ABCG8: variants seen among roughly 807,000 people sequenced by gnomAD.
The protein encoded by ABCG8 is ATP binding cassette subfamily G member 8.
ABCG8 carries 81 observed loss-of-function variants against 71.3 expected under a neutral mutation model. The observed-to-expected ratio is 1.14, with a 90% CI of 0.95 to 1.37. The LOEUF (loss-of-function observed/expected upper bound fraction) is 1.37. ABCG8 is among the 40% of genes most tolerant of loss of function. ABCG8 has a pLI of 0.00. For missense variants in ABCG8, 1,119 were observed against 866.2 expected (o/e 1.29, Z -3.66); for synonymous variants, 451 against 354.7 (o/e 1.27, Z -3.05).
chr2:43,878,094 G>C lies in ABCG8; in HGVS notation c.*181G>C. On this transcript the variant is annotated 3_prime_UTR_variant, in exon 13 of 13. Transcript: ENST00000272286. The stretch of plus-strand genomic sequence containing the variant: ...ACAGGATGGCAGTAGAATAAAGACA[G>C]TCGAAAGGGATTTCTGCTCACTGGC... 1.2e-6 allele frequency: 1 copy of C among 853,808 alleles called. No homozygotes were observed. Among genetic ancestry groups the C allele is most frequent in the Non-Finnish European group, 1.9e-6 (1 of 539,876 alleles). The allele number at this position is 853,808 out of a possible 1,614,324, so 52.9% of individuals were successfully genotyped here.
At chr2:43,862,434 A>G (rs1321515367) in intron 6 of ABCG8, among the ~76,000 whole-genome samples, 1 of 143,522 alleles carries the variant, frequency 7.0e-6, no homozygotes, top group African/African-American at 2.6e-5. Flanking sequence ...CCAACTGTAT[A>G]GAACTCTCAC....
rs756606650 is a variant in ABCG8, at chr2:43,872,126, C to A, written c.1115C>A (p.Thr372Asn). The A allele has an allele frequency of 2.4e-5, 39 of 1,613,980 alleles. 1 individual carries two copies. In the Admixed American group the frequency reaches 3.7e-4, roughly 15 times the overall value. ...KAETKDLDEDTCVESSVTPLD... is the reference protein window; with the variant it reads ...KAETKDLDEDNCVESSVTPLD... The stretch of plus-strand genomic sequence containing the variant: ...GAGACGAAGGATCTTGACGAGGACA[C>A]CTGTGTGGAAAGGTAAGGTGGCAGG... The change falls in exon 7 of 13, where the codon ACC becomes AAC. Residue 372 changes from threonine (T) to asparagine (N), a missense_variant. Thr to Asn is a moderately conservative substitution (Grantham distance 65, BLOSUM62 0). Transcript: ENST00000272286.
Position 43,846,335 on chromosome 2 carries a change from G to A in ABCG8, c.322+24G>A, listed in dbSNP as rs778432563. On this transcript the variant is annotated intron_variant, in intron 3 of 12. Coordinates refer to ENST00000272286, the MANE Select transcript of ABCG8 (RefSeq NM_022437.3). The stretch of plus-strand genomic sequence containing the variant: ...AGGTACCGGAAAGGCAAATCGCTGG[G>A]CAATGGTTTCTCTCCTGGGATACAG... 3.5e-5 allele frequency: 57 copies of A among 1,613,886 alleles called. No homozygotes were observed. In the Admixed American group the frequency reaches 9.0e-4, roughly 25 times the overall value.
chr2:43,870,412 T>A (rs1309042274), intron 6 of ABCG8, among the ~76,000 whole-genome samples: 1 of 152,028 alleles, frequency 6.6e-6, no homozygotes, highest in Non-Finnish European at 1.5e-5. Flanking sequence ...TGGATATAAC[T>A]CTCACTATCT....
At chr2:43,843,500 T>C (rs6735229) in intron 1 of ABCG8, among the ~76,000 whole-genome samples, 86,592 of 151,826 alleles carry the variant, frequency 0.57, 25,384 homozygotes, top group East Asian at 0.86. Flanking sequence ...ACCAACATGG[T>C]GAAACCCTGT....
At chr2:43,840,794 A>G (rs1202836890) in intron 1 of ABCG8, among the ~76,000 whole-genome samples, 4 of 151,022 alleles carry the variant, frequency 2.6e-5, no homozygotes, top group Admixed American at 6.6e-5. Context: ...GCTCCATCCC[A>G]CTCCATGGGG....
Position 43,872,040 on chromosome 2 carries a change from G to T in ABCG8, c.1029G>T (p.Gln343His). The change falls in exon 7 of 13, where the codon CAG (glutamine) becomes CAT (histidine). Residue 343 changes from glutamine (Q) to histidine (H), a missense_variant. Gln to His is a conservative substitution (Grantham distance 24, BLOSUM62 0). Transcript: ENST00000272286. ...AATTGGCCACCAGGGAGAAGGCTCA[G>T]TCACTCGCAGCCCTGTTTCTAGAAA... ...EQELATREKAQSLAALFLEKV... is the reference protein window; with the variant it reads ...EQELATREKAHSLAALFLEKV... 6.2e-7 allele frequency: 1 copy of T among 1,614,114 alleles called. No homozygotes were observed. The highest frequency in any genetic ancestry group is 8.5e-7 in the Non-Finnish European group (1 of 1,180,036).
At position 43,851,633 on chromosome 2, in the gene ABCG8, C is replaced by T. The variant is rs201431593; in HGVS notation, c.372C>T (p.Gly124=). 3.8e-5 allele frequency: 61 copies of T among 1,614,104 alleles called. No individual in the cohort carries two copies. The highest frequency in any genetic ancestry group is 1.6e-4 in the Middle Eastern group (1 of 6,084). The change falls in exon 4 of 13, where the codon GGC becomes GGT. Residue 124 remains glycine, a synonymous_variant. Coordinates refer to ENST00000272286, the MANE Select transcript of ABCG8 (RefSeq NM_022437.3). ...ATGTGATCACTGGCCGAGGTCACGG[C>T]GGCAAGATCAAGTCAGGCCAGATCT... ...LLDVITGRGH[G]GKIKSGQIWI... is the part of the protein sequence containing the mutation.
At chr2:43,855,191 C>T (rs1042253890) in intron 6 of ABCG8, among the ~76,000 whole-genome samples, 24 of 151,464 alleles carry the variant, frequency 1.6e-4, no homozygotes, top group African/African-American at 5.6e-4. Flanking sequence ...TAATTGTCGC[C>T]CTCTGAATAG....
chr2:43,859,273 C>G (rs1222099082), intron 6 of ABCG8, among the ~76,000 whole-genome samples: 1 of 151,272 alleles, frequency 6.6e-6, no homozygotes, highest in Non-Finnish European at 1.5e-5. Flanking sequence ...CACTCTCTGT[C>G]TGGATATAAT....
chr2:43,875,885 A>G (rs541519765), intron 11 of ABCG8, among the ~76,000 whole-genome samples: 1 of 151,994 alleles, frequency 6.6e-6, no homozygotes, highest in Non-Finnish European at 1.5e-5. Context: ...GGGTTGCTCA[A>G]TCCCTGCGGC....
At chr2:43,846,720 A>C (rs1572826710) in intron 3 of ABCG8, 1 of 285,112 alleles carries the variant, frequency 3.5e-6, no homozygotes, top group East Asian at 8.8e-5. Context: ...CCACACTCTC[A>C]CCTCTCAGAC....
In ABCG8 at chr2:43,852,731, T is replaced by A. The variant is rs1487382080; in HGVS notation, c.827T>A (p.Ile276Asn). ...TCCCTCCACCAGCCTCGCTCTGACA[T>A]CTTCAGGCTGTTTGATCTGGTCCTC... ...LISLHQPRSD[I>N]FRLFDLVLLM... Residue 276 changes from isoleucine to asparagine, a missense_variant, in exon 6 of 13, where the codon ATC becomes AAC. Ile to Asn is a moderately radical substitution (Grantham distance 149). Coordinates refer to ENST00000272286, the MANE Select transcript of ABCG8 (RefSeq NM_022437.3). 6.2e-7 allele frequency: 1 copy of A among 1,614,166 alleles called. No homozygotes were observed. Among genetic ancestry groups the A allele is most frequent in the Non-Finnish European group, 8.5e-7 (1 of 1,180,030 alleles).
At chr2:43,850,127 G>C (rs777384528) in intron 3 of ABCG8, among the ~76,000 whole-genome samples, 5 of 152,160 alleles carry the variant, frequency 3.3e-5, no homozygotes, top group Admixed American at 6.5e-5. Context: ...AGGAGGCTGA[G>C]GCAGGGGAAT....
chr2:43,852,261 C>T (rs1007451421), intron 4 of ABCG8, 93 bp from the exon 5 acceptor site: 37 of 1,573,970 alleles, frequency 2.4e-5, no homozygotes, highest in East Asian at 4.5e-5. Context: ...CAAACCCAGC[C>T]GGAGGAGCGG....
chr2:43,873,856 G>A lies in ABCG8; in HGVS notation c.1281G>A (p.Met427Ile), dbSNP rs2104947224. ...TCCATGGGGCGGAGGCCTGTCTGAT[G>A]TCAATGACCATCGGCTTCCTCTATT... ...LLIHGAEACL[M>I]SMTIGFLYFG... is the part of the protein sequence containing the mutation. The change falls in exon 9 of 13, where the codon ATG becomes ATA. Residue 427 changes from methionine to isoleucine, a missense_variant. Coordinates refer to ENST00000272286, the MANE Select transcript of ABCG8 (RefSeq NM_022437.3). The A allele has an allele frequency of 1.9e-6, 3 of 1,614,072 alleles. No individual in the cohort carries two copies. In the South Asian group the frequency reaches 3.3e-5, roughly 18 times the overall value.
chr2:43,851,698 A>C lies in ABCG8; in HGVS notation c.437A>C (p.Lys146Thr), dbSNP rs1572833977. ...GQPSSPQLVR[K>T]CVAHVRQHNQ... is the part of the protein sequence containing the mutation. ...CCCAGCTCGCCTCAGCTGGTGAGGA[A>C]GTGTGTGGCCCACGTGCGCCAGCAC... The change falls in exon 4 of 13, where the codon AAG becomes ACG. Residue 146 changes from lysine to threonine, a missense_variant. Lys to Thr is a moderately conservative substitution (Grantham distance 78, BLOSUM62 -1). Transcript: ENST00000272286. 6.2e-7 allele frequency: 1 copy of C among 1,614,232 alleles called. No individual in the cohort carries two copies. Among genetic ancestry groups the C allele is most frequent in the South Asian group, 1.1e-5 (1 of 91,086 alleles).
Position 43,839,102 on chromosome 2 carries a change from C to G in ABCG8, c.49C>G (p.Pro17Ala). 1.3e-6 allele frequency: 2 copies of G among 1,551,234 alleles called. No homozygotes were observed. The highest frequency in any genetic ancestry group is 1.7e-6 in the Non-Finnish European group (2 of 1,146,788). Reference protein sequence around the residue: ...EERGLPKGATPQDTSGLQDRL... With the variant: ...EERGLPKGATAQDTSGLQDRL... ...GAGAGGGCTGCCGAAAGGGGCCACT[C>G]CCCAGGATACCTCGGTGAGTGAGCA... Residue 17 changes from proline (P) to alanine (A), a missense_variant, in exon 1 of 13, where the codon CCC (proline) becomes GCC (alanine). Transcript: ENST00000272286.
intron 6 of ABCG8, 21 bp from the exon 7 acceptor site, chr2:43,871,955 C>CCAGCTTGCA (rs1558850360): frequency 1.2e-6 from 2 of 1,613,828 alleles, no homozygotes; most frequent in African/African-American, 2.7e-5. Context: ...CCACCTGTGA[C>CCAGCTTGCA]TCCACATCCC....
Sources: allele counts gnomAD v4.1 joint callset (sites outside exome capture counted in the v4.1 genomes callset), GRCh38; gene constraint gnomAD v4.1.1; transcripts MANE v1.5; gene names NCBI Gene and HGNC (gene_info 2026-07-23, HGNC 2026-07-21).